Variants in PSMA6 observed in about 807,000 individuals in gnomAD.
PSMA6 encodes the protein proteasome subunit alpha type-6.
For missense variants in PSMA6, 170 were observed against 294.8 expected (o/e 0.58, Z 3.10); for synonymous variants, 88 against 97.7 (o/e 0.90, Z 0.59).
intron 1 of PSMA6, among the ~76,000 whole-genome samples, chr14:35,306,920 G>C (rs1002347887): frequency 2.0e-5 from 3 of 152,174 alleles, no homozygotes; most frequent in African/African-American, 7.2e-5. Flanking sequence ...GCCGAGGTGG[G>C]TGGATCACCT....
chr14:35,293,907 A>G (rs1438718259), intron 1 of PSMA6, among the ~76,000 whole-genome samples: 1 of 152,264 alleles, frequency 6.6e-6, no homozygotes, highest in African/African-American at 2.4e-5. Context: ...AAGTCCAGCC[A>G]TAAAGCATAA....
At chr14:35,310,613 G>A (rs905910915) in intron 3 of PSMA6, 127 bp from the exon 4 acceptor site, 22 of 873,748 alleles carry the variant, frequency 2.5e-5, no homozygotes, top group Admixed American at 5.5e-5. Context: ...AGAAAAAGCC[G>A]TAGCGGACCC....
At chr14:35,294,699 G>GC (rs932415879) in intron 1 of PSMA6, among the ~76,000 whole-genome samples, 161 of 151,716 alleles carry the variant, frequency 1.1e-3, no homozygotes, top group Middle Eastern at 3.4e-3. Context: ...TGATTCTTTG[G>GC]CCCCCCCTTT....
chr14:35,310,002 G>A (rs896023615), intron 3 of PSMA6, among the ~76,000 whole-genome samples: 1 of 151,980 alleles, frequency 6.6e-6, no homozygotes, highest in Admixed American at 6.6e-5. Context: ...TGGTATGGTG[G>A]CACATACCTG....
intron 4 of PSMA6, among the ~76,000 whole-genome samples, chr14:35,312,484 G>T (rs1464059942): frequency 1.5e-5 from 2 of 135,952 alleles, no homozygotes; most frequent in Non-Finnish European, 3.0e-5. Context: ...TCCAGCCTGG[G>T]AGACAGAGCG....
Position 35,316,495 on chromosome 14 carries a change from GAACACTTT to G in PSMA6, c.684-751_684-744del, listed in dbSNP as rs1270545940. The G allele has an allele frequency of 4.0e-5, 6 of 151,884 alleles. No individual in the cohort carries two copies. The South Asian group carries it at 1.2e-3, about 32-fold the overall frequency. The allele number at this position is 151,884 out of a possible 1,614,324, so 9.4% of individuals were successfully genotyped here. On this transcript the variant is annotated intron_variant, in intron 6 of 6. Transcript: ENST00000261479. ...TTTATTTTCATGAACTTCTGAATCT[GAACACTTT>G]AATATGCTTAAAATTTCTTCATGAA...
At chr14:35,292,873 A>G in intron 1 of PSMA6, 2 of 516,832 alleles carry the variant, frequency 3.9e-6, no homozygotes, top group Non-Finnish European at 7.3e-6. Context: ...CTGGCCAGGC[A>G]CAAGGTCTGT....
intron 1 of PSMA6, among the ~76,000 whole-genome samples, chr14:35,294,522 C>T (rs1164663711): frequency 6.6e-6 from 1 of 152,216 alleles, no homozygotes; most frequent in Non-Finnish European, 1.5e-5. Flanking sequence ...GATCTGGGCA[C>T]TTGCCAGGTA....
upstream of PSMA6, chr14:35,292,213 A>C: frequency 1.6e-5 from 15 of 946,978 alleles, no homozygotes; most frequent in South Asian, 4.1e-4. Flanking sequence ...CCCAAGTTTC[A>C]CGTCTATCCA....
intron 3 of PSMA6, 131 bp from the exon 4 acceptor site, chr14:35,310,609 A>G: frequency 1.2e-6 from 1 of 834,972 alleles, no homozygotes; most frequent in Admixed American, 2.8e-5. Flanking sequence ...GGGGAGAAAA[A>G]GCCGTAGCGG....
chr14:35,291,223 T>TC (rs565160227), upstream of PSMA6, among the ~76,000 whole-genome samples: 17 of 149,548 alleles, frequency 1.1e-4, no homozygotes, highest in South Asian at 8.5e-4. Flanking sequence ...TTTCTTTCTT[T>TC]TTTTTTTTTT....
At position 35,299,327 on chromosome 14, in the gene PSMA6, C is replaced by CTTTTTTTTTTT. The variant is rs71445906; in HGVS notation, c.76+6778_76+6788dup. ...TGTGAGCCGCCGCAGTGCCCAGCCT[C>CTTTTTTTTTTT]TTTTTTTTTTTTTGAGATGGAGTCT... On this transcript the variant is annotated intron_variant, in intron 1 of 6. Coordinates refer to ENST00000261479, the MANE Select transcript of PSMA6 (RefSeq NM_002791.3). 2.6e-4 allele frequency among the ~76,000 whole-genome samples: 17 copies of CTTTTTTTTTTT among 66,006 alleles called. 7 individuals carry two copies. The highest frequency in any genetic ancestry group is 1.3e-3 in the South Asian group (2 of 1,542). The allele number at this position is 66,006 out of a possible 152,430, so 43.3% of individuals were successfully genotyped here.
At chr14:35,311,950 A>T (rs2051952018) in intron 4 of PSMA6, among the ~76,000 whole-genome samples, 1 of 152,188 alleles carries the variant, frequency 6.6e-6, no homozygotes, top group Admixed American at 6.5e-5. Context: ...AAAAAAAAGT[A>T]TTTCTTGGTC....
At chr14:35,304,496 G>A (rs117098068) in intron 1 of PSMA6, among the ~76,000 whole-genome samples, 8,805 of 152,160 alleles carry the variant, frequency 0.058, 335 homozygotes, top group Middle Eastern at 0.11. Flanking sequence ...CTGGGAGGCC[G>A]AGGTGGGTGT....
At chr14:35,285,207 A>T (rs539919279) in intron 1 of PSMA6, among the ~76,000 whole-genome samples, 81 of 152,144 alleles carry the variant, frequency 5.3e-4, no homozygotes, top group African/African-American at 1.9e-3. Flanking sequence ...TCAGCCAAGC[A>T]TGGTGGTGCA....
chr14:35,291,861 C>T (rs2051488518), upstream of PSMA6, among the ~76,000 whole-genome samples: 1 of 147,382 alleles, frequency 6.8e-6, no homozygotes, highest in Non-Finnish European at 1.5e-5. Context: ...TAAAAATTGT[C>T]GGGGCTGCTG....
chr14:35,291,702 A>G (rs1196939895), upstream of PSMA6, among the ~76,000 whole-genome samples: 1 of 152,010 alleles, frequency 6.6e-6, no homozygotes, highest in Non-Finnish European at 1.5e-5. Context: ...ACACGCCTAT[A>G]ATCCCAGCTA....
intron 5 of PSMA6, chr14:35,313,328 G>A (rs1285572692): frequency 3.3e-6 from 1 of 304,012 alleles, no homozygotes; most frequent in Non-Finnish European, 5.9e-6. Flanking sequence ...GCTGGGCATG[G>A]TGGCACACAC....
At chr14:35,309,075 T>C (rs2051888511) in intron 3 of PSMA6, 80 bp downstream of exon 3, 1 of 1,141,226 alleles carries the variant, frequency 8.8e-7, no homozygotes, top group Non-Finnish European at 1.3e-6. Flanking sequence ...TTGAGTTTTG[T>C]ATTAATTTTA....
Sources: allele counts gnomAD v4.1 joint callset (sites outside exome capture counted in the v4.1 genomes callset), GRCh38; gene constraint gnomAD v4.1.1; transcripts MANE v1.5; gene names NCBI Gene and HGNC (gene_info 2026-07-23, HGNC 2026-07-21).